Variants in WWOX observed in about 807,000 individuals in gnomAD.
WWOX encodes the protein WW domain containing oxidoreductase.
A neutral mutation model predicts 46.2 loss-of-function variants in WWOX; 69 were observed. The ratio of observed to expected loss-of-function variants is 1.49; its 90% CI spans 1.23 to 1.82. The LOEUF (loss-of-function observed/expected upper bound fraction) is 1.82, where lower values mean the gene tolerates loss of function less well. Ranked by LOEUF, WWOX falls within the 40% of genes most tolerant of loss-of-function variation. The pLI is 0.00. For missense variants in WWOX, 919 were observed against 542.6 expected, an observed-to-expected ratio of 1.69 and a Z score of -6.89; for synonymous variants, 359 against 202.6, an observed-to-expected ratio of 1.77 and a Z score of -6.56.
Position 78,589,776 on chromosome 16 carries a change from A to C in WWOX, c.1056+157024A>C, listed in dbSNP as rs891095550. On this transcript the variant is annotated intron_variant, in intron 8 of 8. Transcript: ENST00000566780. ...TTTCTTCTCATTTAATAGGTTGGTCATCTCTCTGCTGGCTTTTTCCCCCTT... is the reference window on the plus strand; with the variant it reads ...TTTCTTCTCATTTAATAGGTTGGTCCTCTCTCTGCTGGCTTTTTCCCCCTT... Among the ~76,000 whole-genome samples, 5 of 152,188 alleles carry C rather than the reference A, an allele frequency of 3.3e-5. No homozygotes were observed. The South Asian group carries it at 1.0e-3, about 32-fold the overall frequency.
intron 5 of WWOX, among the ~76,000 whole-genome samples, chr16:78,230,640 G>T (rs879783447): frequency 6.6e-6 from 1 of 152,152 alleles, no homozygotes; most frequent in African/African-American, 2.4e-5. Flanking sequence ...TGGGTAATTC[G>T]CAAAGGTTTT....
intron 6 of WWOX, among the ~76,000 whole-genome samples, chr16:78,405,279 T>C (rs1030168150): frequency 6.6e-6 from 1 of 152,182 alleles, no homozygotes; most frequent in Non-Finnish European, 1.5e-5. Context: ...TGCTCCACTC[T>C]GGGTAACTGT....
chr16:78,261,853 A>G (rs1264239693), intron 5 of WWOX, among the ~76,000 whole-genome samples: 2 of 148,400 alleles, frequency 1.3e-5, no homozygotes, highest in African/African-American at 2.5e-5. Flanking sequence ...TCACAGTTGT[A>G]ATTCACATTT....
At chr16:78,123,474 T>TTTTTTTTTTTTTG in intron 4 of WWOX, 1 of 124,196 alleles carries the variant, frequency 8.1e-6, no homozygotes, top group African/African-American at 3.2e-5. Flanking sequence ...TTTTGTTTTT[T>TTTTTTTTTTTTTG]TGAGATGAAG....
chr16:78,734,033 C>G (rs1398298860), intron 8 of WWOX, among the ~76,000 whole-genome samples: 1 of 151,690 alleles, frequency 6.6e-6, no homozygotes, highest in Non-Finnish European at 1.5e-5. Flanking sequence ...GCACTGTAGC[C>G]TGGGTGATAA....
intron 8 of WWOX, among the ~76,000 whole-genome samples, chr16:79,137,907 G>C (rs2050014246): frequency 6.6e-6 from 1 of 151,908 alleles, no homozygotes; most frequent in African/African-American, 2.4e-5. Context: ...GACTCCAGAA[G>C]TACAACATCA....
At chr16:78,752,243 G>A (rs1367777276) in intron 8 of WWOX, among the ~76,000 whole-genome samples, 1 of 152,118 alleles carries the variant, frequency 6.6e-6, no homozygotes, top group Non-Finnish European at 1.5e-5. Context: ...TTAATATTTT[G>A]TCTGTCAGTG....
At chr16:78,831,532 CG>C (rs1309554974) in intron 8 of WWOX, among the ~76,000 whole-genome samples, 1 of 152,144 alleles carries the variant, frequency 6.6e-6, no homozygotes, top group Non-Finnish European at 1.5e-5. Flanking sequence ...TGCCCATGCC[CG>C]GGTGCACAAA....
chr16:78,244,368 C>G (rs994019937), intron 5 of WWOX, among the ~76,000 whole-genome samples: 1 of 114,806 alleles, frequency 8.7e-6, no homozygotes, highest in African/African-American at 4.1e-5. Context: ...TCATTTAAAC[C>G]TCCTTGCAAT....
chr16:78,160,673 A>G (rs531251015), intron 4 of WWOX, among the ~76,000 whole-genome samples: 2 of 152,234 alleles, frequency 1.3e-5, no homozygotes, highest in South Asian at 4.1e-4. Context: ...TCTAATTTTA[A>G]TCTTTTGAAA....
chr16:78,980,887 A>C (rs1053324506), intron 8 of WWOX, among the ~76,000 whole-genome samples: 4 of 152,184 alleles, frequency 2.6e-5, no homozygotes, highest in African/African-American at 9.7e-5. Flanking sequence ...TCAGTGGGTA[A>C]ATGTAGAGGT....
intron 8 of WWOX, among the ~76,000 whole-genome samples, chr16:78,846,015 C>T (rs771898049): frequency 4.6e-5 from 7 of 152,076 alleles, no homozygotes; most frequent in Non-Finnish European, 7.4e-5. Context: ...AGCGTGGATG[C>T]GGGAGGCACT....
chr16:78,802,120 C>G (rs1420226882), intron 8 of WWOX, among the ~76,000 whole-genome samples: 1 of 151,304 alleles, frequency 6.6e-6, no homozygotes, highest in African/African-American at 2.4e-5. Context: ...GTGAATCTCA[C>G]TCTTAGATCA....
intron 8 of WWOX, among the ~76,000 whole-genome samples, chr16:78,909,323 T>C (rs1250733359): frequency 1.3e-5 from 2 of 152,186 alleles, no homozygotes; most frequent in African/African-American, 4.8e-5. Flanking sequence ...AATTTTAGAA[T>C]CCAGATCCGC....
intron 8 of WWOX, among the ~76,000 whole-genome samples, chr16:79,146,956 G>A (rs1203479320): frequency 6.6e-6 from 1 of 152,190 alleles, no homozygotes; most frequent in Non-Finnish European, 1.5e-5. Flanking sequence ...GTAGTTGTAA[G>A]AAATAATATA....
At chr16:78,598,440 C>A (rs907577076) in intron 8 of WWOX, among the ~76,000 whole-genome samples, 2 of 152,248 alleles carry the variant, frequency 1.3e-5, no homozygotes, top group Non-Finnish European at 2.9e-5. Flanking sequence ...CTTCCTCTTT[C>A]CCCCCGCCCT....
At chr16:78,612,058 C>A (rs561503723) in intron 8 of WWOX, among the ~76,000 whole-genome samples, 3 of 152,192 alleles carry the variant, frequency 2.0e-5, no homozygotes, top group Admixed American at 6.5e-5. Flanking sequence ...TGGTGTGCAC[C>A]TGGCATATCC....
intron 8 of WWOX, among the ~76,000 whole-genome samples, chr16:78,790,374 A>T (rs1460686596): frequency 6.6e-6 from 1 of 152,068 alleles, no homozygotes; most frequent in Non-Finnish European, 1.5e-5. Flanking sequence ...ACATCAAGTG[A>T]TTTGCCCGCC....
At position 78,452,316 on chromosome 16, in the gene WWOX, C is replaced by T. The variant is rs189735261; in HGVS notation, c.1056+19564C>T. On this transcript the variant is annotated intron_variant, in intron 8 of 8. Coordinates refer to ENST00000566780, the MANE Select transcript of WWOX (RefSeq NM_016373.4). The stretch of plus-strand genomic sequence containing the variant: ...GATTTTTTCAATTTTTTTTTACTGT[C>T]ATATGATTCACATGCTAGTTACTGA... 1.3e-3 allele frequency among the ~76,000 whole-genome samples: 205 copies of T among 152,184 alleles called. No homozygotes were observed. The Middle Eastern group carries it at 0.017, about 13-fold the overall frequency.
Sources: allele counts gnomAD v4.1 joint callset (sites outside exome capture counted in the v4.1 genomes callset), GRCh38; gene constraint gnomAD v4.1.1; transcripts MANE v1.5; gene names NCBI Gene and HGNC (gene_info 2026-07-23, HGNC 2026-07-21).